CRTAC1: variants seen among roughly 807,000 people sequenced by gnomAD.
CRTAC1 encodes cartilage acidic protein 1.
Under a neutral mutation model 67.8 loss-of-function variants are expected in CRTAC1, and 37 were observed. The observed-to-expected ratio is 0.55, with a 90% CI of 0.42 to 0.72. The LOEUF is 0.72. Ranked by LOEUF, CRTAC1 falls within the 30% of genes least tolerant of loss-of-function variation. CRTAC1 has a pLI of 0.00. For missense variants in CRTAC1, 780 were observed against 931.6 expected (o/e 0.84, Z 2.12); for synonymous variants, 348 against 371.0 (o/e 0.94, Z 0.71).
intron 2 of CRTAC1, among the ~76,000 whole-genome samples, chr10:97,958,915 C>T (rs1337277774): frequency 6.6e-6 from 1 of 152,190 alleles, no homozygotes; most frequent in Non-Finnish European, 1.5e-5. Context: ...TTAAAGCCAT[C>T]TGCTCGGTGG....
chr10:97,898,710 C>T (rs955615622), intron 8 of CRTAC1, among the ~76,000 whole-genome samples: 2 of 151,916 alleles, frequency 1.3e-5, no homozygotes, highest in African/African-American at 2.4e-5. Flanking sequence ...GGACTAGAGA[C>T]AAGGAGAGCA....
At chr10:97,967,238 T>C (rs918444043) in intron 2 of CRTAC1, among the ~76,000 whole-genome samples, 2 of 152,238 alleles carry the variant, frequency 1.3e-5, no homozygotes, top group Admixed American at 6.5e-5. Flanking sequence ...ACAACTTTAT[T>C]TATGTTGTTG....
In CRTAC1 at chr10:97,936,211, C is replaced by T. The variant is rs3750608; in HGVS notation, c.380G>A (p.Arg127Gln). The T allele has an allele frequency of 1.2e-4, 189 of 1,613,752 alleles. 1 individual carries two copies. The East Asian group carries it at 3.9e-3, about 33-fold the overall frequency. Residue 127 changes from arginine (R) to glutamine (Q), a missense_variant, in exon 3 of 15, where the codon CGG becomes CAG. Coordinates refer to ENST00000370597, the MANE Select transcript of CRTAC1 (RefSeq NM_018058.7). ...GGTGTTGAGGAAGTAGATCTCCTCC[C>T]GGCCGTCCCCGTCGATGTCGCAGGC... ...VTACDIDGDG[R>Q]EEIYFLNTNN... is the part of the protein sequence containing the mutation.
At chr10:97,979,729 G>T (rs1324749253) in intron 2 of CRTAC1, among the ~76,000 whole-genome samples, 2 of 152,132 alleles carry the variant, frequency 1.3e-5, no homozygotes, top group African/African-American at 4.8e-5. Flanking sequence ...TGAACCTTGG[G>T]TCCCACCCCA....
intron 5 of CRTAC1, among the ~76,000 whole-genome samples, chr10:97,912,070 C>T (rs1175224478): frequency 1.3e-5 from 2 of 152,002 alleles, no homozygotes; most frequent in Non-Finnish European, 2.9e-5. Context: ...ATCACTGAAC[C>T]TTCCTGGGCT....
intron 2 of CRTAC1, among the ~76,000 whole-genome samples, chr10:97,958,629 T>C (rs961267874): frequency 6.6e-6 from 1 of 152,140 alleles, no homozygotes; most frequent in Non-Finnish European, 1.5e-5. Flanking sequence ...GGGTTCACTA[T>C]TGGTTTTGTA....
At chr10:97,907,963 G>C (rs1199646762) in intron 6 of CRTAC1, 50 bp downstream of exon 6, 1 of 1,606,056 alleles carries the variant, frequency 6.2e-7, no homozygotes, top group Non-Finnish European at 8.5e-7. Context: ...GTCCTCTGTG[G>C]GTCTGGGGTG....
At chr10:97,890,142 G>A (rs1294281466) in intron 11 of CRTAC1, among the ~76,000 whole-genome samples, 1 of 151,484 alleles carries the variant, frequency 6.6e-6, no homozygotes, top group Non-Finnish European at 1.5e-5. Context: ...TGTAAGACAG[G>A]CTCTCACTCT....
At chr10:97,950,861 C>A (rs971647099) in intron 2 of CRTAC1, among the ~76,000 whole-genome samples, 4 of 151,992 alleles carry the variant, frequency 2.6e-5, no homozygotes, top group African/African-American at 4.8e-5. Context: ...AGAGTGACAC[C>A]CAGAGACCTT....
chr10:97,917,768 TC>T, intron 4 of CRTAC1, 112 bp from the exon 5 acceptor site: 2 of 801,358 alleles, frequency 2.5e-6, no homozygotes, highest in Non-Finnish European at 3.6e-6. Flanking sequence ...TGGGTTCTTC[TC>T]CCCAGGTCTG....
At position 97,865,668 on chromosome 10, in the gene CRTAC1, A is replaced by C; in HGVS notation, c.1866T>G (p.Ala622=). 6.2e-7 allele frequency: 1 copy of C among 1,610,124 alleles called. No homozygotes were observed. Among genetic ancestry groups the C allele is most frequent in the Non-Finnish European group, 8.5e-7 (1 of 1,178,250 alleles). ...SPGPRPTTPT[A]AAATAAAAAA... ...CAGCAGCAGCGGCAGTGGCAGCAGC[A>C]GCGGTGGGGGTGGTGGGGCGGGGGC... is the stretch of plus-strand genomic sequence containing the variant. The change falls in exon 15 of 15, where the codon GCT becomes GCG. Residue 622 remains alanine (A), a synonymous_variant. Transcript: ENST00000370597.
chr10:97,913,442 T>C (rs2087270651), intron 5 of CRTAC1, among the ~76,000 whole-genome samples: 1 of 152,170 alleles, frequency 6.6e-6, no homozygotes, highest in Non-Finnish European at 1.5e-5. Context: ...AGGAGGGATT[T>C]GCACTGGCAA....
At chr10:97,946,007 C>T (rs999770998) in intron 2 of CRTAC1, among the ~76,000 whole-genome samples, 2 of 152,156 alleles carry the variant, frequency 1.3e-5, no homozygotes, top group African/African-American at 4.8e-5. Flanking sequence ...CAGGGACTAT[C>T]CTATGCAGCT....
At chr10:97,914,970 A>C (rs1590205134) in intron 5 of CRTAC1, among the ~76,000 whole-genome samples, 1 of 151,734 alleles carries the variant, frequency 6.6e-6, no homozygotes, top group East Asian at 1.9e-4. Flanking sequence ...AGCTGCGGAA[A>C]TGGATAATGT....
chr10:97,940,812 C>G (rs2051162137), intron 2 of CRTAC1, among the ~76,000 whole-genome samples: 1 of 152,210 alleles, frequency 6.6e-6, no homozygotes, highest in African/African-American at 2.4e-5. Context: ...TGTGACAACA[C>G]TTGGTAAACT....
chr10:97,976,578 C>T (rs910241673), intron 2 of CRTAC1, among the ~76,000 whole-genome samples: 2 of 152,218 alleles, frequency 1.3e-5, no homozygotes, highest in African/African-American at 2.4e-5. Flanking sequence ...CTTACTACAT[C>T]GCAGCAATTT....
At chr10:97,886,653 T>TC (rs2050290252) in intron 11 of CRTAC1, among the ~76,000 whole-genome samples, 1 of 150,934 alleles carries the variant, frequency 6.6e-6, no homozygotes. Context: ...TTTTTTCTTT[T>TC]TTTTTTTTTG....
rs182513511 is a variant in CRTAC1, at chr10:97,881,123, T to G, written c.1676-731A>C. Among the ~76,000 whole-genome samples, 282 of 152,346 alleles carry G rather than the reference T, an allele frequency of 1.9e-3. 2 individuals are homozygous for G. The highest frequency in any genetic ancestry group is 3.4e-3 in the Middle Eastern group (1 of 294). Reference sequence around the variant, plus strand: ...CCAATCCACTCTGCAATTCAGCAGCTGGAGGGAGCCTTTAAAAATGTGAAT... The same window carrying G: ...CCAATCCACTCTGCAATTCAGCAGCGGGAGGGAGCCTTTAAAAATGTGAAT... On this transcript the variant is annotated intron_variant, in intron 13 of 14. Transcript: ENST00000370597.
chr10:97,915,553 G>C (rs1184855347), intron 5 of CRTAC1, among the ~76,000 whole-genome samples: 1 of 152,072 alleles, frequency 6.6e-6, no homozygotes, highest in East Asian at 1.9e-4. Flanking sequence ...CGCTGGCCAC[G>C]CGCCCAAAGC....
Sources: gnomAD v4.1 joint callset for allele counts (sites outside exome capture counted in the v4.1 genomes callset) on GRCh38, gnomAD v4.1.1 for gene constraint, MANE v1.5 for transcripts, NCBI Gene and HGNC (gene_info 2026-07-23, HGNC 2026-07-21) for gene names.